DAB1: variants seen among roughly 807,000 people sequenced by gnomAD.
DAB1 encodes disabled homolog 1.
Under a neutral mutation model 64.6 loss-of-function variants are expected in DAB1, and 15 were observed. That is an observed-to-expected ratio of 0.23 (90% CI 0.16 to 0.36). The LOEUF (loss-of-function observed/expected upper bound fraction) is 0.36, where lower values mean the gene tolerates loss of function less well. Among genes scored for constraint, DAB1 ranks in the 10% least tolerant of loss-of-function variants. The probability of loss-of-function intolerance (pLI) is 1.00; values close to 1 mark genes in which losing one functional copy is unlikely to be tolerated. For synonymous variants in DAB1, 235 were observed against 251.9 expected, an observed-to-expected ratio of 0.93 and a Z score of 0.64; for missense variants, 596 against 706.7, an observed-to-expected ratio of 0.84 and a Z score of 1.78.
intron 4 of DAB1, among the ~76,000 whole-genome samples, chr1:58,281,850 T>G (rs1432701832): frequency 6.6e-6 from 1 of 152,172 alleles, no homozygotes; most frequent in Non-Finnish European, 1.5e-5. Context: ...TGTAAAGCAC[T>G]TAGAACAATG....
intron 7 of DAB1, among the ~76,000 whole-genome samples, chr1:57,576,720 G>A (rs1645253707): frequency 6.6e-6 from 1 of 152,166 alleles, no homozygotes; most frequent in African/African-American, 2.4e-5. Flanking sequence ...ACTAATACAG[G>A]TGGTGATATA....
intron 7 of DAB1, among the ~76,000 whole-genome samples, chr1:57,643,574 A>G (rs1285273323): frequency 6.6e-6 from 1 of 151,930 alleles, no homozygotes; most frequent in African/African-American, 2.4e-5. Flanking sequence ...TTTTACATAC[A>G]CTCTTATTCA....
intron 1 of DAB1, among the ~76,000 whole-genome samples, chr1:57,342,654 T>C (rs1677693250): frequency 6.6e-6 from 1 of 152,164 alleles, no homozygotes; most frequent in South Asian, 2.1e-4. Context: ...TGGCAGTGAG[T>C]GTTACAGTTC....
intron 5 of DAB1, among the ~76,000 whole-genome samples, chr1:57,914,991 C>G (rs930784390): frequency 2.6e-5 from 4 of 152,036 alleles, no homozygotes; most frequent in African/African-American, 9.7e-5. Flanking sequence ...ATGTATCTTA[C>G]TATGCTAGCT....
rs1359320033 is a variant in DAB1, at chr1:57,062,905, C to T, written c.702G>A (p.Val234=). Reference sequence around the variant, plus strand: ...TTACACTTACAGGTTGACTTTTTGGCACATCATAAACACCTTCCTTCTTTT... The same window carrying T: ...TTACACTTACAGGTTGACTTTTTGGTACATCATAAACACCTTCCTTCTTTT... ...TSQKKEGVYD[V]PKSQPVSAVT... Residue 234 remains valine (V), a synonymous_variant, in exon 9 of 15, where the codon GTG becomes GTA. Coordinates refer to ENST00000371236, the MANE Select transcript of DAB1 (RefSeq NM_001365792.1). 2 of 1,613,958 alleles carry T rather than the reference C, an allele frequency of 1.2e-6. No individual in the cohort carries two copies. The highest frequency in any genetic ancestry group is 1.3e-5 in the African/African-American group (1 of 74,914).
intron 4 of DAB1, among the ~76,000 whole-genome samples, chr1:58,323,510 G>A (rs1216092353): frequency 6.6e-6 from 1 of 151,898 alleles, no homozygotes; most frequent in Non-Finnish European, 1.5e-5. Flanking sequence ...CTCCTTAAGA[G>A]GCATCATAAC....
At chr1:57,443,816 C>A (rs772031751) in intron 7 of DAB1, among the ~76,000 whole-genome samples, 3 of 152,200 alleles carry the variant, frequency 2.0e-5, no homozygotes, top group Non-Finnish European at 4.4e-5. Flanking sequence ...AAGCCATAGC[C>A]ATCTCTTGCT....
At chr1:57,638,897 G>C (rs1224161246) in intron 7 of DAB1, among the ~76,000 whole-genome samples, 1 of 152,048 alleles carries the variant, frequency 6.6e-6, no homozygotes, top group Non-Finnish European at 1.5e-5. Flanking sequence ...GATGGAAAGA[G>C]AGGGTTCTAC....
At chr1:57,506,553 T>C (rs574546083) in intron 7 of DAB1, among the ~76,000 whole-genome samples, 56 of 152,304 alleles carry the variant, frequency 3.7e-4, no homozygotes, top group East Asian at 1.9e-4. Context: ...AATGAAAACA[T>C]CTGAACACTG....
intron 3 of DAB1, among the ~76,000 whole-genome samples, chr1:58,428,214 A>C (rs1011948898): frequency 6.6e-6 from 1 of 152,242 alleles, no homozygotes; most frequent in African/African-American, 2.4e-5. Flanking sequence ...CATCAATGGC[A>C]TCACAAAGCC....
At chr1:58,250,062 C>T (rs1394824905) in intron 4 of DAB1, among the ~76,000 whole-genome samples, 1 of 152,152 alleles carries the variant, frequency 6.6e-6, no homozygotes, top group East Asian at 1.9e-4. Flanking sequence ...CCCTCGCGGC[C>T]GCGAGAGCTC....
chr1:57,209,163 A>T (rs1665817020), intron 2 of DAB1, among the ~76,000 whole-genome samples: 1 of 152,308 alleles, frequency 6.6e-6, no homozygotes, highest in Non-Finnish European at 1.5e-5. Flanking sequence ...ATGGAAGAAT[A>T]AACTGAGGGG....
chr1:57,093,770 T>C (rs1479067470), intron 4 of DAB1, among the ~76,000 whole-genome samples: 1 of 152,116 alleles, frequency 6.6e-6, no homozygotes, highest in Non-Finnish European at 1.5e-5. Context: ...ATGACCTCTG[T>C]ACGTATCTAG....
intron 1 of DAB1, chr1:58,538,907 T>G: frequency 1.1e-6 from 1 of 872,860 alleles, no homozygotes. Context: ...ATAGCTCTTA[T>G]GGAAGCAGGG....
At chr1:57,697,247 C>A (rs1162548801) in intron 6 of DAB1, among the ~76,000 whole-genome samples, 1 of 151,130 alleles carries the variant, frequency 6.6e-6, no homozygotes, top group Non-Finnish European at 1.5e-5. Context: ...ATGAGTTGAT[C>A]AATCAATCAA....
At chr1:58,414,854 G>T (rs1216058311) in intron 3 of DAB1, among the ~76,000 whole-genome samples, 1 of 151,988 alleles carries the variant, frequency 6.6e-6, no homozygotes, top group East Asian at 1.9e-4. Context: ...TAAAATCTTA[G>T]CTATTTACAG....
intron 4 of DAB1, among the ~76,000 whole-genome samples, chr1:57,107,874 G>A (rs924623504): frequency 2.0e-5 from 3 of 152,106 alleles, no homozygotes; most frequent in African/African-American, 7.2e-5. Flanking sequence ...TGTGACCCTG[G>A]ACAAGGCAAC....
chr1:57,435,046 C>CTTTTTTTTTTTTTTTTT (rs71580850), intron 7 of DAB1, among the ~76,000 whole-genome samples: 1 of 93,078 alleles, frequency 1.1e-5, no homozygotes, highest in Non-Finnish European at 2.0e-5. Flanking sequence ...TTCTTTTTTT[C>CTTTTTTTTTTTTTTTTT]TTTTTTTTTT....
intron 4 of DAB1, among the ~76,000 whole-genome samples, chr1:58,151,907 G>A (rs1352245653): frequency 6.6e-6 from 1 of 152,188 alleles, no homozygotes; most frequent in Non-Finnish European, 1.5e-5. Flanking sequence ...CTGTGGGGAA[G>A]GAACTTCTTG....
Sources: gnomAD v4.1 joint callset for allele counts (sites outside exome capture counted in the v4.1 genomes callset) on GRCh38, gnomAD v4.1.1 for gene constraint, MANE v1.5 for transcripts, NCBI Gene and HGNC (gene_info 2026-07-23, HGNC 2026-07-21) for gene names.